The following SCAI variants were observed in gnomAD, a reference collection of about 807,000 sequenced individuals.
SCAI encodes protein SCAI.
A neutral mutation model predicts 92.2 loss-of-function variants in SCAI; 24 were observed. That is an observed-to-expected ratio of 0.26 (90% confidence interval 0.19 to 0.37). SCAI has a LOEUF of 0.37. SCAI is among the 10% of genes least tolerant of loss of function. SCAI has a pLI of 1.00. For synonymous variants in SCAI, 261 were observed against 258.6 expected (o/e 1.01, Z -0.09); for missense variants, 450 against 736.2 (o/e 0.61, Z 4.50).
At chr9:124,968,672 G>A (rs555780677) in intron 17 of SCAI, 14 of 1,296,114 alleles carry the variant, frequency 1.1e-5, no homozygotes, top group South Asian at 1.2e-5. Flanking sequence ...AGCCTGGGTG[G>A]CCCAAAGTTC....
At chr9:125,056,128 T>C (rs1833659822) in intron 2 of SCAI, 121 bp from the exon 3 acceptor site, 7 of 710,968 alleles carry the variant, frequency 9.8e-6, no homozygotes, top group Non-Finnish European at 1.6e-5. Flanking sequence ...CTGATTACAA[T>C]CAAATCACAA....
intron 2 of SCAI, among the ~76,000 whole-genome samples, chr9:125,137,728 G>A (rs1835570155): frequency 6.6e-6 from 1 of 152,114 alleles, no homozygotes; most frequent in Non-Finnish European, 1.5e-5. Context: ...AGCCTCCTGA[G>A]TACCTGTGAT....
At chr9:125,109,308 G>A (rs1487415086) in intron 2 of SCAI, among the ~76,000 whole-genome samples, 5 of 151,894 alleles carry the variant, frequency 3.3e-5, no homozygotes, top group Non-Finnish European at 7.4e-5. Flanking sequence ...ATTGTCCTAT[G>A]ACCCTGCCAA....
intron 2 of SCAI, among the ~76,000 whole-genome samples, chr9:125,119,978 G>A (rs1447533611): frequency 6.6e-6 from 1 of 152,150 alleles, no homozygotes; most frequent in Non-Finnish European, 1.5e-5. Context: ...CAGAGAGAAA[G>A]TTAGAAATCC....
chr9:125,062,010 T>C (rs1003411878), intron 2 of SCAI, among the ~76,000 whole-genome samples: 1 of 152,134 alleles, frequency 6.6e-6, no homozygotes, highest in Non-Finnish European at 1.5e-5. Context: ...TGTTAGTCTA[T>C]TAATTGAAAG....
At chr9:125,008,736 T>C (rs954864965) in intron 9 of SCAI, among the ~76,000 whole-genome samples, 2 of 152,010 alleles carry the variant, frequency 1.3e-5, no homozygotes, top group East Asian at 1.9e-4. Context: ...TCTACAAACA[T>C]GTAACTGAGT....
intron 14 of SCAI, among the ~76,000 whole-genome samples, chr9:124,985,002 T>C (rs147959034): frequency 6.6e-6 from 1 of 152,290 alleles, no homozygotes; most frequent in African/African-American, 2.4e-5. Flanking sequence ...ATTTGGGTTT[T>C]GAAGATCTCA....
chr9:125,143,352 T>C, intron 1 of SCAI, 33 bp downstream of exon 1: 2 of 806,080 alleles, frequency 2.5e-6, no homozygotes, highest in African/African-American at 2.0e-5. Context: ...CCCCACCCCA[T>C]CCCCAACCCC....
At chr9:124,995,272 T>A (rs1362305780) in intron 13 of SCAI, among the ~76,000 whole-genome samples, 2 of 151,938 alleles carry the variant, frequency 1.3e-5, no homozygotes. Context: ...TATTTAAAGA[T>A]GACTAAACAC....
At chr9:125,038,681 A>T (rs941360699) in intron 3 of SCAI, among the ~76,000 whole-genome samples, 2 of 152,102 alleles carry the variant, frequency 1.3e-5, no homozygotes, top group African/African-American at 4.8e-5. Context: ...CATATTTATC[A>T]TTTTCTCAGG....
chr9:124,954,401 TAAAGC>T (rs1466384992), intron 17 of SCAI, among the ~76,000 whole-genome samples: 1 of 152,200 alleles, frequency 6.6e-6, no homozygotes, highest in Non-Finnish European at 1.5e-5. Context: ...ACTATACAGT[TAAAGC>T]AATGCTTAAA....
In SCAI at chr9:125,108,722, C is replaced by A. The variant is rs1375920720; in HGVS notation, c.98+33911G>T. Among the ~76,000 whole-genome samples, 4 of 150,752 alleles carry A rather than the reference C, an allele frequency of 2.7e-5. 1 individual carries two copies. The highest frequency in any genetic ancestry group is 4.2e-4 in the South Asian group (2 of 4,748). The stretch of plus-strand genomic sequence containing the variant: ...GAGGAACCCCTCCGCCCGGCAGCCG[C>A]CCCGTCCAGGAAGTGAGGAGCGTCT... On this transcript the variant is annotated intron_variant, in intron 2 of 17. Transcript: ENST00000336505.
intron 17 of SCAI, among the ~76,000 whole-genome samples, chr9:124,963,704 C>A (rs145322634): frequency 7.4e-6 from 1 of 135,120 alleles, no homozygotes; most frequent in Non-Finnish European, 1.5e-5. Flanking sequence ...GAGCTGAGAT[C>A]GCGCCACTGT....
chr9:125,070,766 C>T (rs1337384007), intron 2 of SCAI, among the ~76,000 whole-genome samples: 1 of 152,112 alleles, frequency 6.6e-6, no homozygotes, highest in African/African-American at 2.4e-5. Context: ...CATGGTGGCT[C>T]ACACCTGTAA....
intron 2 of SCAI, among the ~76,000 whole-genome samples, chr9:125,104,119 C>A (rs1193529461): frequency 6.6e-6 from 1 of 152,032 alleles, no homozygotes; most frequent in Non-Finnish European, 1.5e-5. Flanking sequence ...TTAAAAACTA[C>A]AATAAAAAAA....
In SCAI at chr9:124,971,630, T is replaced by C. The variant is rs1831660207; in HGVS notation, c.1573+41A>G. 8 of 1,509,418 alleles carry C rather than the reference T, an allele frequency of 5.3e-6. No individual in the cohort carries two copies. The Admixed American group carries it at 1.0e-4, about 19-fold the overall frequency. 93.5% of individuals were successfully genotyped at this position (1,509,418 alleles called of 1,614,324 possible). ...AATAAGTAACCATTTTAAGCCATTA[T>C]AGTACATTCTGTTAAACGTGCAGTT... On this transcript the variant is annotated intron_variant, in intron 16 of 17. Transcript: ENST00000336505.
At chr9:124,953,659 C>T (rs1283745609) in intron 17 of SCAI, among the ~76,000 whole-genome samples, 1 of 152,006 alleles carries the variant, frequency 6.6e-6, no homozygotes, top group Non-Finnish European at 1.5e-5. Flanking sequence ...GTGATCTGCC[C>T]GCCTCAGCCT....
intron 2 of SCAI, among the ~76,000 whole-genome samples, chr9:125,121,058 ATTT>A (rs1341887641): frequency 6.6e-6 from 1 of 151,896 alleles, no homozygotes; most frequent in African/African-American, 2.4e-5. Context: ...AAAAACTGAA[ATTT>A]TTTTGTTTAC....
intron 9 of SCAI, among the ~76,000 whole-genome samples, chr9:125,014,014 T>C (rs1388378510): frequency 1.3e-5 from 2 of 151,860 alleles, no homozygotes; most frequent in Non-Finnish European, 2.9e-5. Flanking sequence ...AAATTAGGTA[T>C]TGATGGGACG....
Sources: allele counts gnomAD v4.1 joint callset (sites outside exome capture counted in the v4.1 genomes callset), GRCh38; gene constraint gnomAD v4.1.1; transcripts MANE v1.5; gene names NCBI Gene and HGNC (gene_info 2026-07-23, HGNC 2026-07-21).